Variants in ABHD6 observed in about 807,000 individuals in gnomAD.
ABHD6 encodes the protein abhydrolase domain containing 6, acylglycerol lipase, also known as monoacylglycerol lipase ABHD6.
Under a neutral mutation model 38.8 loss-of-function variants are expected in ABHD6, and 33 were observed. The observed-to-expected ratio is 0.85, with a 90% CI of 0.64 to 1.14. The LOEUF (loss-of-function observed/expected upper bound fraction) is 1.14. ABHD6 is among the 50% of genes most tolerant of loss of function. The probability of loss-of-function intolerance (pLI) is 0.00; values close to 1 mark genes in which losing one functional copy is unlikely to be tolerated. For synonymous variants in ABHD6, 147 were observed against 161.6 expected (o/e 0.91, Z 0.69); for missense variants, 380 against 422.6 (o/e 0.90, Z 0.88).
At chr3:58,272,517 A>G (rs1432773787) in intron 6 of ABHD6, among the ~76,000 whole-genome samples, 49 of 152,186 alleles carry the variant, frequency 3.2e-4, no homozygotes, top group Admixed American at 3.2e-3. Context: ...TATGTTGAGG[A>G]CATTGAAATC....
At chr3:58,243,817 C>T (rs558659634) in intron 1 of ABHD6, among the ~76,000 whole-genome samples, 4 of 151,944 alleles carry the variant, frequency 2.6e-5, no homozygotes, top group Admixed American at 6.6e-5. Context: ...TGTGCCACCA[C>T]GCCTGCCTAA....
At chr3:58,239,799 G>T (rs978809488) in intron 1 of ABHD6, among the ~76,000 whole-genome samples, 2 of 151,712 alleles carry the variant, frequency 1.3e-5, no homozygotes, top group Admixed American at 1.3e-4. Flanking sequence ...CTATCCTGGG[G>T]GCGAGAAGTT....
At position 58,251,774 on chromosome 3, in the gene ABHD6, G is replaced by A. The variant is rs7634153; in HGVS notation, c.-26+1832G>A. 0.14 allele frequency among the ~76,000 whole-genome samples: 20,792 copies of A among 152,122 alleles called. 2,067 individuals carry two copies. The highest frequency in any genetic ancestry group is 0.27 in the African/African-American group (11,309 of 41,458). On this transcript the variant is annotated intron_variant, in intron 2 of 9. Transcript: ENST00000478253. This position sits in a 1 kb window ranked among gnomAD's most constrained non-coding sequence, Gnocchi z 5.4. ...GTGCCGCAGTGTCTTTAACCCTGGG[G>A]TGCCTCACTTTACACGATAAATAGA...
chr3:58,293,608 C>A lies in ABHD6; in HGVS notation c.857C>A (p.Ala286Glu), dbSNP rs1259086392. 6.2e-7 allele frequency: 1 copy of A among 1,614,136 alleles called. No homozygotes were observed. The highest frequency in any genetic ancestry group is 1.1e-5 in the South Asian group (1 of 91,086). The change falls in exon 10 of 10, where the codon GCA becomes GAA. Residue 286 changes from alanine (A) to glutamate (E), a missense_variant. By Grantham distance (107) the Ala-to-Glu change is moderately radical (BLOSUM62 -1). Transcript: ENST00000478253. The surrounding 1 kb of genome is among the most constrained non-coding windows in gnomAD (Gnocchi z 4.4). ...KQDQVLDVSG[A>E]DMLAKSIANC... is the part of the protein sequence containing the mutation. ...CAGCAGGTGCTGGATGTGTCTGGGG[C>A]AGACATGTTGGCCAAGTCAATTGCC...
At position 58,259,375 on chromosome 3, in the gene ABHD6, C is replaced by T. The variant is rs751189522; in HGVS notation, c.119+2670C>T. Among the ~76,000 whole-genome samples, 3 of 152,096 alleles carry T rather than the reference C, an allele frequency of 2.0e-5. No individual in the cohort carries two copies. The highest frequency in any genetic ancestry group is 4.4e-5 in the Non-Finnish European group (3 of 68,024). Reference sequence around the variant, plus strand: ...TAAAATTCACATAACATAAAAGTCACCATTTTAAAGTGTACAATTCAAGGC... The same window carrying T: ...TAAAATTCACATAACATAAAAGTCATCATTTTAAAGTGTACAATTCAAGGC... On this transcript the variant is annotated intron_variant, in intron 3 of 9. Transcript: ENST00000478253. This position sits in a 1 kb window ranked among gnomAD's most constrained non-coding sequence, Gnocchi z 4.7.
At chr3:58,279,376 CT>C (rs2097451211) in intron 7 of ABHD6, among the ~76,000 whole-genome samples, 1 of 152,082 alleles carries the variant, frequency 6.6e-6, no homozygotes, top group Admixed American at 6.6e-5. Flanking sequence ...CTCTTTTGAT[CT>C]TTGTTGGTTT....
chr3:58,264,113 C>T (rs1375358481), intron 3 of ABHD6, among the ~76,000 whole-genome samples: 2 of 152,086 alleles, frequency 1.3e-5, no homozygotes, highest in East Asian at 1.9e-4. Flanking sequence ...CAAAATAAGA[C>T]ATCACCTAGC....
chr3:58,293,842 G>A lies in ABHD6; in HGVS notation c.*77G>A, dbSNP rs1298663836. 6.5e-7 allele frequency: 1 copy of A among 1,533,190 alleles called. No individual in the cohort carries two copies. Among genetic ancestry groups the A allele is most frequent in the East Asian group, 2.3e-5 (1 of 44,094 alleles). 95.0% of individuals were successfully genotyped at this position (1,533,190 alleles called of 1,614,324 possible). ...AGTCTGACGCAGCCACCACTCTCAGGGATCCTGCCCCAAATGCGGTCGGAG... is the reference window on the plus strand; with the variant it reads ...AGTCTGACGCAGCCACCACTCTCAGAGATCCTGCCCCAAATGCGGTCGGAG... On this transcript the variant is annotated 3_prime_UTR_variant, in exon 10 of 10. Coordinates refer to ENST00000478253, the MANE Select transcript of ABHD6 (RefSeq NM_001320126.2). The surrounding 1 kb of genome is among the most constrained non-coding windows in gnomAD (Gnocchi z 4.4).
intron 3 of ABHD6, chr3:58,258,594 G>A (rs1017117384): frequency 1.9e-5 from 5 of 268,004 alleles, no homozygotes; most frequent in South Asian, 6.6e-5. Context: ...AGGGAGCATC[G>A]AAATAGACCT....
chr3:58,238,995 C>A lies in ABHD6; in HGVS notation c.-91+1079C>A, dbSNP rs946017182. 1.3e-5 allele frequency among the ~76,000 whole-genome samples: 2 copies of A among 152,140 alleles called. No individual in the cohort carries two copies. Among genetic ancestry groups the A allele is most frequent in the Non-Finnish European group, 2.9e-5 (2 of 68,034 alleles). The stretch of plus-strand genomic sequence containing the variant: ...GAATTACCTGCCATACTTTCCCCAA[C>A]AGCCCCTTGAGGTAGGTACCACCGC... On this transcript the variant is annotated intron_variant, in intron 1 of 9. Transcript: ENST00000478253. The surrounding 1 kb of genome is among the most constrained non-coding windows in gnomAD (Gnocchi z 6.9).
At chr3:58,290,822 G>A (rs1183701917) in intron 9 of ABHD6, among the ~76,000 whole-genome samples, 2 of 150,886 alleles carry the variant, frequency 1.3e-5, no homozygotes, top group African/African-American at 2.4e-5. Flanking sequence ...AGATGGGATG[G>A]CGGCCGGGAA....
At chr3:58,271,333 TAAAA>T (rs3038089) in intron 6 of ABHD6, among the ~76,000 whole-genome samples, 1 of 149,144 alleles carries the variant, frequency 6.7e-6, no homozygotes, top group South Asian at 2.1e-4. Context: ...ATTTAAAATT[TAAAA>T]AAAAAAAAAA....
At chr3:58,292,180 C>T (rs2097463743) in intron 9 of ABHD6, among the ~76,000 whole-genome samples, 1 of 152,176 alleles carries the variant, frequency 6.6e-6, no homozygotes, top group Non-Finnish European at 1.5e-5. Flanking sequence ...TTTCCTGGTC[C>T]AGGGATGCCC....
rs1575515411 is a variant in ABHD6 at position 58,251,659 on chromosome 3, G to T, written c.-26+1717G>T. Among the ~76,000 whole-genome samples the T allele has an allele frequency of 6.6e-6, 1 of 152,180 alleles. No individual in the cohort carries two copies. Among genetic ancestry groups the T allele is most frequent in the East Asian group, 1.9e-4 (1 of 5,194 alleles). ...TGCACAGCTTGGGTGTTGAGCAGTGGCAGAGGATCCTGAGCCTGGGATGTG... is the reference window on the plus strand; with the variant it reads ...TGCACAGCTTGGGTGTTGAGCAGTGTCAGAGGATCCTGAGCCTGGGATGTG... On this transcript the variant is annotated intron_variant, in intron 2 of 9. Coordinates refer to ENST00000478253, the MANE Select transcript of ABHD6 (RefSeq NM_001320126.2). The surrounding 1 kb of genome is among the most constrained non-coding windows in gnomAD (Gnocchi z 5.4).
Position 58,267,366 on chromosome 3 carries a change from C to G in ABHD6, c.276+21C>G. On this transcript the variant is annotated intron_variant, in intron 4 of 9. Coordinates refer to ENST00000478253, the MANE Select transcript of ABHD6 (RefSeq NM_001320126.2). The surrounding 1 kb of genome is among the most constrained non-coding windows in gnomAD (Gnocchi z 4.3). Reference sequence around the variant, plus strand: ...TCAAGGTGCAATTCTCGATTCTTCTCTCTTATAAGAAAAGGGAGTTGGGTG... The same window carrying G: ...TCAAGGTGCAATTCTCGATTCTTCTGTCTTATAAGAAAAGGGAGTTGGGTG... 1.2e-6 allele frequency: 2 copies of G among 1,613,620 alleles called. No homozygotes were observed.
rs2097435774 is a variant in ABHD6, at chr3:58,259,743, T to C, written c.119+3038T>C. ...ATAAATAAAATGTACAATTCAGTGG[T>C]TTTAATATATTCAGAGTGTTGTACA... On this transcript the variant is annotated intron_variant, in intron 3 of 9. Coordinates refer to ENST00000478253, the MANE Select transcript of ABHD6 (RefSeq NM_001320126.2). This position sits in a 1 kb window ranked among gnomAD's most constrained non-coding sequence, Gnocchi z 4.7. 6.6e-6 allele frequency among the ~76,000 whole-genome samples: 1 copy of C among 151,954 alleles called. No homozygotes were observed. The highest frequency in any genetic ancestry group is 1.9e-4 in the East Asian group (1 of 5,180).
Position 58,269,290 on chromosome 3 carries a change from A to C in ABHD6, c.277-31A>C, listed in dbSNP as rs769929441. ...TGGGCAGACATGTTTTGCACACCAC[A>C]TACTGACTCTCTGGGTCTGTGTGTC... On this transcript the variant is annotated intron_variant, in intron 4 of 9. Transcript: ENST00000478253. This position sits in a 1 kb window ranked among gnomAD's most constrained non-coding sequence, Gnocchi z 4.4. The C allele has an allele frequency of 2.6e-6, 4 of 1,566,166 alleles. No homozygotes were observed. In the South Asian group the frequency reaches 3.3e-5, roughly 13 times the overall value.
At chr3:58,253,429 C>A (rs2097431305) in intron 2 of ABHD6, among the ~76,000 whole-genome samples, 1 of 152,186 alleles carries the variant, frequency 6.6e-6, no homozygotes, top group Admixed American at 6.5e-5. Flanking sequence ...TGTACAGATT[C>A]CCTTCAGTCT....
chr3:58,271,665 T>A (rs2097444967), intron 6 of ABHD6, among the ~76,000 whole-genome samples: 1 of 151,794 alleles, frequency 6.6e-6, no homozygotes, highest in African/African-American at 2.4e-5. Flanking sequence ...TGAAGTTGGA[T>A]TTTTAAATTT....
Sources: allele counts gnomAD v4.1 joint callset (sites outside exome capture counted in the v4.1 genomes callset), GRCh38; gene constraint gnomAD v4.1.1; non-coding constraint Gnocchi (gnomAD v3.1); transcripts MANE v1.5; gene names NCBI Gene and HGNC (gene_info 2026-07-23, HGNC 2026-07-21).